The following ELK3 variants were observed in gnomAD, a reference collection of about 807,000 sequenced individuals.
The protein encoded by ELK3 is ETS domain-containing protein Elk-3.
ELK3 carries 10 observed loss-of-function variants against 28.9 expected under a neutral mutation model. That is an observed-to-expected ratio of 0.35 (90% CI 0.21 to 0.59). The LOEUF (loss-of-function observed/expected upper bound fraction) is 0.59, where lower values mean the gene tolerates loss of function less well. Ranked by LOEUF, ELK3 falls within the 20% of genes least tolerant of loss-of-function variation. The probability of loss-of-function intolerance (pLI) is 0.82; values close to 1 mark genes in which losing one functional copy is unlikely to be tolerated. For missense variants in ELK3, 463 were observed against 517.3 expected (o/e 0.90, Z 1.02); for synonymous variants, 272 against 243.5 (o/e 1.12, Z -1.09).
chr12:96,252,095 A>G (rs1951911829), intron 3 of ELK3, among the ~76,000 whole-genome samples: 1 of 152,260 alleles, frequency 6.6e-6, no homozygotes, highest in Non-Finnish European at 1.5e-5. Flanking sequence ...AGTTGAAGCC[A>G]GTGCTACTAA....
chr12:96,219,963 A>T (rs923919658), intron 1 of ELK3, among the ~76,000 whole-genome samples: 4 of 152,120 alleles, frequency 2.6e-5, no homozygotes, highest in African/African-American at 9.7e-5. Flanking sequence ...CAGACAGGAG[A>T]GGCTGGAGCC....
chr12:96,238,424 G>T (rs1013105879), intron 2 of ELK3, among the ~76,000 whole-genome samples: 1 of 152,246 alleles, frequency 6.6e-6, no homozygotes, highest in African/African-American at 2.4e-5. Context: ...CCCAGCACTG[G>T]GTCCACATGA....
chr12:96,253,649 T>A (rs1300641612), intron 3 of ELK3, among the ~76,000 whole-genome samples: 3 of 152,244 alleles, frequency 2.0e-5, no homozygotes, highest in Non-Finnish European at 4.4e-5. Context: ...AGCTTAGGAT[T>A]ACAGATATTT....
intron 2 of ELK3, among the ~76,000 whole-genome samples, chr12:96,242,996 C>G (rs546466582): frequency 6.6e-6 from 1 of 152,324 alleles, no homozygotes; most frequent in East Asian, 1.9e-4. Context: ...TCTGCTCCCC[C>G]AGCAGAGGCA....
intron 1 of ELK3, among the ~76,000 whole-genome samples, chr12:96,216,863 A>C (rs958268274): frequency 1.1e-4 from 17 of 152,364 alleles, no homozygotes; most frequent in African/African-American, 3.6e-4. Flanking sequence ...AGACAGGACG[A>C]GTCTTTGCTG....
chr12:96,263,001 C>T (rs1432824259), intron 4 of ELK3, among the ~76,000 whole-genome samples: 1 of 152,008 alleles, frequency 6.6e-6, no homozygotes, highest in Non-Finnish European at 1.5e-5. Context: ...TAACAACAAA[C>T]CTCTTTCATG....
intron 2 of ELK3, among the ~76,000 whole-genome samples, chr12:96,241,031 G>C (rs1288817115): frequency 1.3e-5 from 2 of 152,188 alleles, no homozygotes; most frequent in Non-Finnish European, 2.9e-5. Flanking sequence ...TGTGGAGTTT[G>C]CATATGGCCT....
chr12:96,225,046 T>TA (rs1443071984), intron 2 of ELK3, among the ~76,000 whole-genome samples: 1 of 152,228 alleles, frequency 6.6e-6, no homozygotes, highest in East Asian at 1.9e-4. Context: ...AATCCTGACT[T>TA]ACTGCAGAGT....
chr12:96,244,262 TC>T (rs1370495433), intron 2 of ELK3, among the ~76,000 whole-genome samples: 1 of 152,140 alleles, frequency 6.6e-6, no homozygotes, highest in Non-Finnish European at 1.5e-5. Context: ...GGGTTGTTCC[TC>T]ATGTTCTTTT....
At chr12:96,228,616 A>G (rs1383798513) in intron 2 of ELK3, among the ~76,000 whole-genome samples, 1 of 152,006 alleles carries the variant, frequency 6.6e-6, no homozygotes, top group African/African-American at 2.4e-5. Context: ...GCTTATTTTC[A>G]TATATTTAAT....
chr12:96,228,683 C>T (rs953510287), intron 2 of ELK3, among the ~76,000 whole-genome samples: 2 of 152,170 alleles, frequency 1.3e-5, no homozygotes, highest in African/African-American at 4.8e-5. Context: ...TCTCCCTCAC[C>T]GCTCTGAATC....
intron 1 of ELK3, among the ~76,000 whole-genome samples, chr12:96,206,576 A>G (rs1432915437): frequency 6.6e-6 from 1 of 152,178 alleles, no homozygotes; most frequent in African/African-American, 2.4e-5. Context: ...TGCAGGGATG[A>G]CAGGTGTGAG....
chr12:96,234,932 G>A (rs1951770301), intron 2 of ELK3, among the ~76,000 whole-genome samples: 1 of 152,320 alleles, frequency 6.6e-6, no homozygotes, highest in Admixed American at 6.5e-5. Flanking sequence ...ATTACCCCAA[G>A]GGCAGCCAGG....
At chr12:96,227,921 C>T (rs1222140574) in intron 2 of ELK3, among the ~76,000 whole-genome samples, 1 of 152,034 alleles carries the variant, frequency 6.6e-6, no homozygotes, top group Non-Finnish European at 1.5e-5. Context: ...GAACAGGGCC[C>T]CAAACAGGGT....
chr12:96,261,879 T>C (rs1177994022), intron 4 of ELK3, among the ~76,000 whole-genome samples: 1 of 152,290 alleles, frequency 6.6e-6, no homozygotes, highest in East Asian at 1.9e-4. Flanking sequence ...TCTTCAGTCC[T>C]CAGTCACTAC....
chr12:96,209,666 C>T (rs960070829), intron 1 of ELK3, among the ~76,000 whole-genome samples: 6 of 152,230 alleles, frequency 3.9e-5, no homozygotes, highest in African/African-American at 1.4e-4. Flanking sequence ...ACATTGACAA[C>T]CATAGATTTA....
At chr12:96,265,819 G>T (rs1223834590) in intron 4 of ELK3, among the ~76,000 whole-genome samples, 2 of 152,204 alleles carry the variant, frequency 1.3e-5, no homozygotes, top group African/African-American at 4.8e-5. Context: ...TGATAATGCA[G>T]TTGAAGTGAA....
At chr12:96,232,707 T>C (rs1490857075) in intron 2 of ELK3, among the ~76,000 whole-genome samples, 4 of 151,898 alleles carry the variant, frequency 2.6e-5, no homozygotes, top group Non-Finnish European at 5.9e-5. Flanking sequence ...CCCAGGAGTT[T>C]TGAGACCAGC....
chr12:96,266,497 CTT>C (rs146226004), intron 4 of ELK3, among the ~76,000 whole-genome samples: 2,394 of 152,176 alleles, frequency 0.016, 42 homozygotes, highest in African/African-American at 0.054. Context: ...AAATCTTATT[CTT>C]TGTCACTTAT....
Sources: allele counts gnomAD v4.1 joint callset (sites outside exome capture counted in the v4.1 genomes callset), GRCh38; gene constraint gnomAD v4.1.1; transcripts MANE v1.5; gene names NCBI Gene and HGNC (gene_info 2026-07-23, HGNC 2026-07-21).